MGAT4C: variants seen among roughly 807,000 people sequenced by gnomAD.
The protein encoded by MGAT4C is alpha-1,3-mannosyl-glycoprotein 4-beta-N-acetylglucosaminyltransferase C.
Under a neutral mutation model 40.1 loss-of-function variants are expected in MGAT4C, and 19 were observed. The observed-to-expected ratio is 0.47, with a 90% CI of 0.33 to 0.70. The LOEUF (loss-of-function observed/expected upper bound fraction) is 0.70. Ranked by LOEUF, MGAT4C falls within the 30% of genes least tolerant of loss-of-function variation. The pLI, the probability that MGAT4C is intolerant of heterozygous loss-of-function variation, is 0.02. For synonymous variants in MGAT4C, 181 were observed against 187.1 expected (o/e 0.97, Z 0.27); for missense variants, 491 against 563.2 (o/e 0.87, Z 1.30).
chr12:86,185,868 T>C (rs899802511), intron 1 of MGAT4C, among the ~76,000 whole-genome samples: 1 of 152,022 alleles, frequency 6.6e-6, no homozygotes, highest in Non-Finnish European at 1.5e-5. Flanking sequence ...AGAGAGTCGC[T>C]CAGGAAAATT....
At chr12:86,647,918 T>C (rs1421822252) in intron 2 of MGAT4C, among the ~76,000 whole-genome samples, 1 of 151,272 alleles carries the variant, frequency 6.6e-6, no homozygotes, top group East Asian at 1.9e-4. Context: ...TCTTTTAACG[T>C]TTGTTTGTTT....
chr12:86,191,533 G>A lies in MGAT4C; in HGVS notation c.-57+64706C>T, dbSNP rs571534223. On this transcript the variant is annotated intron_variant, in intron 1 of 4. Transcript: ENST00000611864. ...GCTCCTAATTGTTCTGGACAAAGTG[G>A]GTACAGAAAAGGATGAGCTCATGGT... is the stretch of plus-strand genomic sequence containing the variant. Among the ~76,000 whole-genome samples the A allele has an allele frequency of 2.7e-5, 4 of 150,416 alleles. No individual in the cohort carries two copies. The South Asian group carries it at 8.6e-4, about 32-fold the overall frequency.
intron 1 of MGAT4C, among the ~76,000 whole-genome samples, chr12:86,100,371 G>T (rs866229737): frequency 1.3e-5 from 2 of 151,082 alleles, no homozygotes; most frequent in African/African-American, 4.8e-5. Flanking sequence ...ACTAATTCCT[G>T]CTCTTCTTAA....
intron 2 of MGAT4C, among the ~76,000 whole-genome samples, chr12:86,004,572 A>T (rs1045579444): frequency 6.6e-6 from 1 of 152,156 alleles, no homozygotes; most frequent in African/African-American, 2.4e-5. Flanking sequence ...TGAATTAAGG[A>T]TTTTCAGAAC....
chr12:86,321,625 T>A lies in MGAT4C; in HGVS notation c.-57+12440A>T, dbSNP rs865845818. 7.7e-4 allele frequency among the ~76,000 whole-genome samples: 118 copies of A among 152,310 alleles called. 1 individual carries two copies. The highest frequency in any genetic ancestry group is 2.8e-3 in the African/African-American group (115 of 41,578). On this transcript the variant is annotated intron_variant, in intron 4 of 7. Coordinates refer to the MGAT4C transcript ENST00000548651. ...ATTCAAATGCCACTATGTTCTTTTT[T>A]AAAAATGTCCTCAAGTTATACTTTT... is the stretch of plus-strand genomic sequence containing the variant.
intron 3 of MGAT4C, among the ~76,000 whole-genome samples, chr12:86,354,471 A>T (rs1036935545): frequency 1.3e-5 from 2 of 152,208 alleles, no homozygotes; most frequent in African/African-American, 2.4e-5. Context: ...AGATATTATA[A>T]ATGCGTCTCG....
At chr12:86,479,956 G>A (rs1333933608) in intron 2 of MGAT4C, among the ~76,000 whole-genome samples, 2 of 151,772 alleles carry the variant, frequency 1.3e-5, no homozygotes, top group East Asian at 1.9e-4. Flanking sequence ...ACTTTGGAAA[G>A]AGAAAGGATC....
chr12:86,127,348 A>G (rs961478158), intron 1 of MGAT4C, among the ~76,000 whole-genome samples: 1 of 152,322 alleles, frequency 6.6e-6, no homozygotes, highest in East Asian at 1.9e-4. Context: ...TATAAAAATT[A>G]AAAATGGCTC....
chr12:86,082,876 A>C (rs1871102156), intron 1 of MGAT4C, among the ~76,000 whole-genome samples: 2 of 152,030 alleles, frequency 1.3e-5, no homozygotes, highest in South Asian at 4.1e-4. Context: ...TTTGTCAAGA[A>C]TACCTTTTAT....
At chr12:86,276,453 T>C (rs1344503528) in intron 4 of MGAT4C, among the ~76,000 whole-genome samples, 2 of 152,156 alleles carry the variant, frequency 1.3e-5, no homozygotes, top group South Asian at 2.1e-4. Flanking sequence ...TTTTAAAATA[T>C]ACAATTAGAT....
Position 85,975,167 on chromosome 12 carries a change from T to C in MGAT4C, c.*4122A>G, listed in dbSNP as rs1458401774. 1 of 151,042 alleles carries C rather than the reference T, an allele frequency of 6.6e-6. No homozygotes were observed. Among genetic ancestry groups the C allele is most frequent in the African/African-American group, 2.4e-5 (1 of 41,444 alleles). The allele number at this position is 151,042 out of a possible 1,614,324, so 9.4% of individuals were successfully genotyped here. On this transcript the variant is annotated 3_prime_UTR_variant, in exon 5 of 5. Coordinates refer to ENST00000611864, the MANE Select transcript of MGAT4C (RefSeq NM_001351288.2). ...AATAAATTAGAATGACAGGAATATA[T>C]ATTGATTTTAGGAAAGTGTCTGTAT...
chr12:86,319,634 G>GA (rs1269958007), intron 4 of MGAT4C, among the ~76,000 whole-genome samples: 1 of 152,094 alleles, frequency 6.6e-6, no homozygotes, highest in Non-Finnish European at 1.5e-5. Context: ...ATGACACTAG[G>GA]ATGTTGTCTC....
At chr12:86,395,406 A>G (rs963939108) in intron 3 of MGAT4C, among the ~76,000 whole-genome samples, 3 of 152,222 alleles carry the variant, frequency 2.0e-5, no homozygotes, top group African/African-American at 2.4e-5. Context: ...AAACCAATAT[A>G]CATTCAGGAC....
At chr12:86,636,560 T>G (rs1346512682) in intron 2 of MGAT4C, among the ~76,000 whole-genome samples, 1 of 152,040 alleles carries the variant, frequency 6.6e-6, no homozygotes, top group Non-Finnish European at 1.5e-5. Context: ...GCTTGCTTTT[T>G]CTCTCTATGC....
intron 1 of MGAT4C, among the ~76,000 whole-genome samples, chr12:86,095,938 C>A (rs1479392268): frequency 6.6e-6 from 1 of 151,726 alleles, no homozygotes; most frequent in Non-Finnish European, 1.5e-5. Context: ...TTTCTCTAAT[C>A]CTTTGGTTGC....
At chr12:86,449,304 G>C (rs921008515) in intron 2 of MGAT4C, among the ~76,000 whole-genome samples, 3 of 152,130 alleles carry the variant, frequency 2.0e-5, no homozygotes, top group Admixed American at 2.0e-4. Context: ...TGACATTATA[G>C]TGTTTAAAGA....
chr12:86,404,371 A>T (rs142356444), intron 3 of MGAT4C, among the ~76,000 whole-genome samples: 240 of 152,280 alleles, frequency 1.6e-3, no homozygotes, highest in African/African-American at 5.4e-3. Flanking sequence ...TATGTCTTAT[A>T]AGGAAAAAGG....
chr12:86,353,519 A>C (rs902754277), intron 3 of MGAT4C, among the ~76,000 whole-genome samples: 1 of 152,018 alleles, frequency 6.6e-6, no homozygotes, highest in Non-Finnish European at 1.5e-5. Context: ...TGTGGTGCAG[A>C]CTCTAGGAAC....
intron 2 of MGAT4C, among the ~76,000 whole-genome samples, chr12:86,030,465 A>C (rs1195996583): frequency 6.6e-6 from 1 of 151,732 alleles, no homozygotes; most frequent in Admixed American, 6.6e-5. Flanking sequence ...TAAATGAAAA[A>C]GTTCACTGGT....
Sources: gnomAD v4.1 joint callset for allele counts (sites outside exome capture counted in the v4.1 genomes callset) on GRCh38, gnomAD v4.1.1 for gene constraint, MANE v1.5 for transcripts, NCBI Gene and HGNC (gene_info 2026-07-23, HGNC 2026-07-21) for gene names.